The following ITFG2 variants were observed in gnomAD, a reference collection of about 807,000 sequenced individuals.
ITFG2 encodes the protein KICSTOR complex protein ITFG2.
Under a neutral mutation model 54.4 loss-of-function variants are expected in ITFG2, and 36 were observed. The ratio of observed to expected loss-of-function variants is 0.66; its 90% confidence interval spans 0.51 to 0.87. The LOEUF is 0.87. ITFG2 is among the 40% of genes least tolerant of loss of function. The probability of loss-of-function intolerance (pLI) is 0.00; values close to 1 mark genes in which losing one functional copy is unlikely to be tolerated. For missense variants in ITFG2, 524 were observed against 576.7 expected (o/e 0.91, Z 0.94); for synonymous variants, 211 against 225.4 (o/e 0.94, Z 0.57).
intron 2 of ITFG2, chr12:2,857,182 C>G (rs1048734896): frequency 4.4e-5 from 29 of 654,378 alleles, no homozygotes; most frequent in Non-Finnish European, 7.2e-5. Flanking sequence ...CCCTTGGGCC[C>G]CTGGCTACTT....
intron 2 of ITFG2, chr12:2,855,336 G>T (rs760686425): frequency 1.3e-6 from 2 of 1,532,258 alleles, no homozygotes; most frequent in South Asian, 2.4e-5. Context: ...GAGCCAGCTG[G>T]TGGTAGGCTT....
intron 1 of ITFG2, among the ~76,000 whole-genome samples, chr12:2,838,932 G>A (rs951038076): frequency 2.0e-5 from 3 of 151,896 alleles, no homozygotes; most frequent in African/African-American, 4.8e-5. Flanking sequence ...CGAGCGGCCC[G>A]GCCTTGCCCA....
In ITFG2 at chr12:2,818,210, G is replaced by A; in HGVS notation, c.339G>A (p.Glu113=). The part of the protein sequence containing the change: ...ASGHHETLIG[E]EQRPVFKQHI... ...GGCACCACGAGACACTAATCGGAGA[G>A]GAGCAGCGTCCAGTCTTCAAGCAGC... The change falls in exon 4 of 12, where the codon GAG becomes GAA. Residue 113 remains glutamate, a synonymous_variant. Transcript: ENST00000228799. The A allele has an allele frequency of 1.2e-6, 2 of 1,614,088 alleles. No homozygotes were observed. Among genetic ancestry groups the A allele is most frequent in the African/African-American group, 1.3e-5 (1 of 75,044 alleles).
At chr12:2,844,947 C>T (rs113034633) in intron 2 of ITFG2, among the ~76,000 whole-genome samples, 4,855 of 152,274 alleles carry the variant, frequency 0.032, 241 homozygotes, top group African/African-American at 0.11. Context: ...TCTTTACAAG[C>T]GTGGAGGCGT....
chr12:2,826,977 C>T (rs2097970163), downstream of ITFG2: 2 of 1,356,664 alleles, frequency 1.5e-6, no homozygotes, highest in African/African-American at 1.5e-5. Context: ...GAATCAGAAT[C>T]CTGGCATCGT....
downstream of ITFG2, chr12:2,827,354 G>A (rs1208271497): frequency 5.7e-6 from 9 of 1,567,834 alleles, no homozygotes; most frequent in South Asian, 1.2e-5. This position sits in a 1 kb window ranked among gnomAD's most constrained non-coding sequence, Gnocchi z 4.0. Context: ...CCTGCCTCCC[G>A]GCCTGCTCCT....
At chr12:2,851,750 C>CTCACTACAACT (rs1375870768) in intron 2 of ITFG2, among the ~76,000 whole-genome samples, 1 of 152,166 alleles carries the variant, frequency 6.6e-6, no homozygotes, top group Non-Finnish European at 1.5e-5. Context: ...GTGATCTCAG[C>CTCACTACAACT]TCACTACAAC....
At position 2,843,958 on chromosome 12, in the gene ITFG2, T is replaced by C. The variant is rs2098047378; in HGVS notation, n.300+2963T>C. On this transcript the variant is annotated intron_variant and non_coding_transcript_variant, in intron 2 of 3. Coordinates refer to the ITFG2 transcript ENST00000537710. ...GGTGCGAAGTTTGAATGAGACAGAATAGCAAAAAGTAGTAAACTAGGCCAG... is the reference window on the plus strand; with the variant it reads ...GGTGCGAAGTTTGAATGAGACAGAACAGCAAAAAGTAGTAAACTAGGCCAG... 1.4e-5 allele frequency among the ~76,000 whole-genome samples: 2 copies of C among 147,804 alleles called. 1 individual carries two copies. Among genetic ancestry groups the C allele is most frequent in the African/African-American group, 5.1e-5 (2 of 39,422 alleles).
rs567499696 is a variant in ITFG2 at position 2,855,241 on chromosome 12, C to T, written n.301-2771C>T. The stretch of plus-strand genomic sequence containing the variant: ...CACATCGAGCCACGTGTGAAAGCCC[C>T]AGGTGTGCTGGGCGCCACCCTTCCA... On this transcript the variant is annotated intron_variant and non_coding_transcript_variant, in intron 2 of 3. Transcript: ENST00000537710. The T allele has an allele frequency of 1.6e-5, 24 of 1,508,042 alleles. No individual in the cohort carries two copies. The South Asian group carries it at 3.0e-4, about 19-fold the overall frequency. The allele number at this position is 1,508,042 out of a possible 1,614,324, so 93.4% of individuals were successfully genotyped here.
chr12:2,830,760 C>G (rs1463353606), intron 2 of ITFG2: 1 of 1,613,936 alleles, frequency 6.2e-7, no homozygotes, highest in East Asian at 2.2e-5. Context: ...CTTCCTCCTG[C>G]TCTCCTGGCC....
At chr12:2,821,872 C>G (rs1024050865) in intron 9 of ITFG2, 80 bp downstream of exon 9, 2 of 1,033,574 alleles carry the variant, frequency 1.9e-6, no homozygotes, top group East Asian at 2.4e-5. Context: ...TCAGGCTATT[C>G]TCACATCCCA....
upstream of ITFG2, among the ~76,000 whole-genome samples, chr12:2,834,367 A>G (rs540857677): frequency 6.6e-6 from 1 of 152,152 alleles, no homozygotes; most frequent in Non-Finnish European, 1.5e-5. Context: ...CCCCACTTCT[A>G]AACAGCCTAG....
At chr12:2,857,199 T>C (rs1030339293) in intron 2 of ITFG2, 4 of 637,264 alleles carry the variant, frequency 6.3e-6, no homozygotes, top group African/African-American at 5.5e-5. Context: ...ACTTTTCAGG[T>C]TAGACAGGCA....
intron 5 of ITFG2, 115 bp downstream of exon 5, chr12:2,820,340 C>T: frequency 1.5e-6 from 2 of 1,291,400 alleles, no homozygotes; most frequent in African/African-American, 1.5e-5. Flanking sequence ...AGTGAAAAGT[C>T]ACCTTGTCAA....
intron 2 of ITFG2, chr12:2,848,950 G>A (rs1565446688): frequency 2.3e-6 from 1 of 428,096 alleles, no homozygotes; most frequent in Non-Finnish European, 4.2e-6. Flanking sequence ...AGGAACTGGA[G>A]CCCCTCCCTG....
chr12:2,812,783 A>T lies in ITFG2; in HGVS notation c.23A>T (p.Gln8Leu), dbSNP rs1379813863. Reference sequence around the variant, plus strand: ...GCCATGAGGTCAGTTAGCTACGTGCAGCGCGTGGCGCTGGAGTTCAGCGGG... The same window carrying T: ...GCCATGAGGTCAGTTAGCTACGTGCTGCGCGTGGCGCTGGAGTTCAGCGGG... MRSVSYVQRVALEFSGSL... is the reference protein window; with the variant it reads MRSVSYVLRVALEFSGSL... The change falls in exon 1 of 12, where the codon CAG (glutamine) becomes CTG (leucine). Residue 8 changes from glutamine (Q) to leucine (L), a missense_variant. Transcript: ENST00000228799. 1 of 1,611,948 alleles carries T rather than the reference A, an allele frequency of 6.2e-7. No individual in the cohort carries two copies. The highest frequency in any genetic ancestry group is 1.7e-5 in the Admixed American group (1 of 59,998).
At chr12:2,823,311 TCTC>T (rs139491356) in intron 10 of ITFG2, among the ~76,000 whole-genome samples, 9,955 of 152,258 alleles carry the variant, frequency 0.065, 512 homozygotes, top group East Asian at 0.29. Flanking sequence ...TGAAGAAAGT[TCTC>T]CTAGAGCATT....
downstream of ITFG2, chr12:2,827,785 G>T: frequency 6.2e-7 from 1 of 1,605,930 alleles, no homozygotes; most frequent in South Asian, 1.1e-5. The surrounding 1 kb of genome is among the most constrained non-coding windows in gnomAD (Gnocchi z 4.0). Context: ...CAGATCCGAG[G>T]ACACTGGCAC....
chr12:2,824,030 C>T lies in ITFG2; in HGVS notation c.1241-60C>T, dbSNP rs192450618. 598 of 1,613,572 alleles carry T rather than the reference C, an allele frequency of 3.7e-4. 2 individuals are homozygous for T. In the African/African-American group the frequency reaches 7.2e-3, roughly 20 times the overall value. On this transcript the variant is annotated intron_variant, in intron 11 of 11. Coordinates refer to ENST00000228799, the MANE Select transcript of ITFG2 (RefSeq NM_018463.4). ...TGGGCGTGGGTGAGTCCCAGAAAAG[C>T]CAGTGGCCCGGGTGCCCAGGAGACC...
Sources: allele counts gnomAD v4.1 joint callset (sites outside exome capture counted in the v4.1 genomes callset), GRCh38; gene constraint gnomAD v4.1.1; non-coding constraint Gnocchi (gnomAD v3.1); transcripts MANE v1.5; gene names NCBI Gene and HGNC (gene_info 2026-07-23, HGNC 2026-07-21).